Variants in CUL3 observed in about 807,000 individuals in gnomAD.
CUL3 encodes cullin-3.
Under a neutral mutation model 89.1 loss-of-function variants are expected in CUL3, and 19 were observed. The observed-to-expected ratio is 0.21, with a 90% CI of 0.15 to 0.31. The LOEUF (loss-of-function observed/expected upper bound fraction) is 0.31, where lower values mean the gene tolerates loss of function less well. Among genes scored for constraint, CUL3 ranks in the 10% least tolerant of loss-of-function variants. The pLI is 1.00. For missense variants in CUL3, 469 were observed against 942.3 expected, an observed-to-expected ratio of 0.50 and a Z score of 6.58; for synonymous variants, 351 against 308.4, an observed-to-expected ratio of 1.14 and a Z score of -1.45.
At chr2:224,580,729 T>C (rs1695416594) in intron 1 of CUL3, among the ~76,000 whole-genome samples, 1 of 152,134 alleles carries the variant, frequency 6.6e-6, no homozygotes, top group Non-Finnish European at 1.5e-5. Flanking sequence ...AAGAATCTGA[T>C]ATTACTGATG....
rs903050266 is a variant in CUL3 at position 224,470,332 on chromosome 2, C to G, written c.*3913G>C. On this transcript the variant is annotated 3_prime_UTR_variant, in exon 16 of 16. Transcript: ENST00000264414. ...TAAAGCTATTTTTGCATGGCTCACT[C>G]GAGGTCAACTTAGACCCTAAAACTG... 4.4e-6 allele frequency: 1 copy of G among 227,854 alleles called. No individual in the cohort carries two copies. Among genetic ancestry groups the G allele is most frequent in the Non-Finnish European group, 8.7e-6 (1 of 114,806 alleles). 14.1% of individuals were successfully genotyped at this position (227,854 alleles called of 1,614,324 possible). A position where few individuals can be genotyped will look rare whatever the true frequency, so the allele number is the denominator to read the frequency against.
chr2:224,482,104 T>G, intron 13 of CUL3, 26 bp from the exon 14 acceptor site: 1 of 1,556,826 alleles, frequency 6.4e-7, no homozygotes, highest in Non-Finnish European at 8.6e-7. Context: ...ATTAACATAA[T>G]TAGACTTTTT....
intron 1 of CUL3, among the ~76,000 whole-genome samples, chr2:224,572,029 A>G (rs1044641839): frequency 3.3e-5 from 5 of 152,200 alleles, no homozygotes; most frequent in African/African-American, 7.2e-5. Flanking sequence ...TACCATGTCA[A>G]CTCAAATAAT....
At chr2:224,557,965 T>G (rs534504137) in intron 1 of CUL3, 109 bp from the exon 2 acceptor site, 241 of 625,508 alleles carry the variant, frequency 3.9e-4, no homozygotes, top group Non-Finnish European at 5.6e-4. Flanking sequence ...ATTATATAGA[T>G]ATGATTATAA....
intron 1 of CUL3, among the ~76,000 whole-genome samples, chr2:224,578,928 CCTTAA>C (rs1298641151): frequency 6.6e-6 from 1 of 152,084 alleles, no homozygotes; most frequent in East Asian, 1.9e-4. Context: ...TGCTTTCATC[CCTTAA>C]CTTCATTTAA....
chr2:224,518,783 A>C (rs1269638435), intron 3 of CUL3, among the ~76,000 whole-genome samples: 2 of 152,198 alleles, frequency 1.3e-5, no homozygotes, highest in African/African-American at 4.8e-5. Flanking sequence ...GATCAAATAA[A>C]TGTACACTTC....
intron 2 of CUL3, among the ~76,000 whole-genome samples, chr2:224,540,886 C>T (rs986819486): frequency 2.0e-5 from 3 of 152,120 alleles, no homozygotes; most frequent in African/African-American, 4.8e-5. Context: ...TCAGCTCCCA[C>T]TTATGAGTGA....
rs202244378 is a variant in CUL3, at chr2:224,514,668, T to C, written c.483A>G (p.Leu161=). The C allele has an allele frequency of 3.5e-5, 57 of 1,613,832 alleles. No homozygotes were observed. In the Middle Eastern group the frequency reaches 5.0e-4, roughly 14 times the overall value. ...CAATCATATCCAATAGAGTTTGCCG[T>C]AGATGATCCCTAATACACCCATAAC... The part of the protein sequence containing the change: ...VVRYGCIRDH[L]RQTLLDMIAR... The change falls in exon 4 of 16, where the codon CTA becomes CTG. Residue 161 remains leucine (L), a synonymous_variant. Transcript: ENST00000264414.
At position 224,490,494 on chromosome 2, in the gene CUL3, C is replaced by T. The variant is rs117060888; in HGVS notation, c.1842+5338G>A. On this transcript the variant is annotated intron_variant, in intron 13 of 15. Transcript: ENST00000264414. Reference sequence around the variant, plus strand: ...GCATTCGGGGCCCTACCGGTTTCCGCGTCTTGGTGGTAGTGGTCCCCCGGG... The same window carrying T: ...GCATTCGGGGCCCTACCGGTTTCCGTGTCTTGGTGGTAGTGGTCCCCCGGG... Among the ~76,000 whole-genome samples, 40 of 152,036 alleles carry T rather than the reference C, an allele frequency of 2.6e-4. 2 individuals carry two copies. In the East Asian group the frequency reaches 6.4e-3, roughly 24 times the overall value.
At chr2:224,535,944 C>A (rs921634154) in intron 2 of CUL3, among the ~76,000 whole-genome samples, 2 of 152,104 alleles carry the variant, frequency 1.3e-5, no homozygotes, top group Non-Finnish European at 2.9e-5. Flanking sequence ...TAGTAAGTTA[C>A]AAGGGCCTGT....
At chr2:224,506,607 C>T (rs1158679976) in intron 7 of CUL3, among the ~76,000 whole-genome samples, 1 of 152,168 alleles carries the variant, frequency 6.6e-6, no homozygotes, top group Non-Finnish European at 1.5e-5. Flanking sequence ...CTCACATTCA[C>T]TATTGAGGCT....
chr2:224,495,904 G>A lies in CUL3; in HGVS notation c.1770C>T (p.His590=). ...TCTGGAAAGTGGAAACTTGCAATATGTGCTTCCGTGTATTAGAGCCAGTTA... is the reference window on the plus strand; with the variant it reads ...TCTGGAAAGTGGAAACTTGCAATATATGCTTCCGTGTATTAGAGCCAGTTA... The part of the protein sequence containing the change: ...AQVTGSNTRK[H]ILQVSTFQMT... Residue 590 remains histidine (H), a synonymous_variant, in exon 13 of 16, where the codon CAC becomes CAT. Transcript: ENST00000264414. The A allele has an allele frequency of 6.2e-7, 1 of 1,613,730 alleles. No individual in the cohort carries two copies. The highest frequency in any genetic ancestry group is 1.1e-5 in the South Asian group (1 of 91,074).
Position 224,500,502 on chromosome 2 carries a change from A to C in CUL3, c.1486-15T>G. On this transcript the variant is annotated splice_polypyrimidine_tract_variant and intron_variant, in intron 10 of 15. Coordinates refer to ENST00000264414, the MANE Select transcript of CUL3 (RefSeq NM_003590.5). ...CCTAAAGATACCTATGTAAAACAGA[A>C]AGAGATATTCCCCTCAAAATTAACT... The C allele has an allele frequency of 6.2e-7, 1 of 1,612,806 alleles. No individual in the cohort carries two copies. Among genetic ancestry groups the C allele is most frequent in the South Asian group, 1.1e-5 (1 of 90,948 alleles).
Position 224,470,153 on chromosome 2 carries a change from T to C in CUL3, c.*4092A>G, listed in dbSNP as rs1348221737. 5.2e-6 allele frequency: 1 copy of C among 190,996 alleles called. No individual in the cohort carries two copies. The highest frequency in any genetic ancestry group is 8.4e-5 in the East Asian group (1 of 11,926). The allele number at this position is 190,996 out of a possible 1,614,324, so 11.8% of individuals were successfully genotyped here. On this transcript the variant is annotated 3_prime_UTR_variant, in exon 16 of 16. Coordinates refer to ENST00000264414, the MANE Select transcript of CUL3 (RefSeq NM_003590.5). ...AGAATCACAACTGCAGAAAGAATTCTGAGACTGAGAATTTTAATTTTCCCA... is the reference window on the plus strand; with the variant it reads ...AGAATCACAACTGCAGAAAGAATTCCGAGACTGAGAATTTTAATTTTCCCA...
chr2:224,580,037 AG>A (rs1671305801), intron 1 of CUL3, among the ~76,000 whole-genome samples: 1 of 152,254 alleles, frequency 6.6e-6, no homozygotes, highest in African/African-American at 2.4e-5. Flanking sequence ...CCCAGGAGTA[AG>A]GAAGAGACTC....
intron 6 of CUL3, among the ~76,000 whole-genome samples, chr2:224,508,698 G>A (rs894976622): frequency 2.0e-5 from 3 of 152,050 alleles, no homozygotes; most frequent in Non-Finnish European, 4.4e-5. Flanking sequence ...GGTGGCTCAC[G>A]CCTGTAATCC....
intron 1 of CUL3, chr2:224,563,015 G>A (rs1386860380): frequency 6.5e-6 from 2 of 306,710 alleles, no homozygotes; most frequent in African/African-American, 2.2e-5. Flanking sequence ...ACAGCCCAGA[G>A]CACAGTATAA....
intron 13 of CUL3, among the ~76,000 whole-genome samples, chr2:224,492,419 CATT>C (rs1254809353): frequency 1.3e-5 from 2 of 152,076 alleles, no homozygotes; most frequent in East Asian, 3.9e-4. Flanking sequence ...TAAATTCTGA[CATT>C]AATAGTGCTA....
chr2:224,581,189 G>A (rs1203291692), intron 1 of CUL3, among the ~76,000 whole-genome samples: 2 of 152,086 alleles, frequency 1.3e-5, no homozygotes, highest in Non-Finnish European at 2.9e-5. Context: ...GACGTCAGGA[G>A]TTCAAGACCA....
Sources: gnomAD v4.1 joint callset for allele counts (sites outside exome capture counted in the v4.1 genomes callset) on GRCh38, gnomAD v4.1.1 for gene constraint, MANE v1.5 for transcripts, NCBI Gene and HGNC (gene_info 2026-07-23, HGNC 2026-07-21) for gene names.